CDH22: variants seen among roughly 807,000 people sequenced by gnomAD.
CDH22 encodes cadherin 22.
CDH22 carries 30 observed loss-of-function variants against 58.4 expected under a neutral mutation model. That is an observed-to-expected ratio of 0.51 (90% CI 0.38 to 0.70). The LOEUF (loss-of-function observed/expected upper bound fraction) is 0.70, where lower values mean the gene tolerates loss of function less well. Among genes scored for constraint, CDH22 ranks in the 30% least tolerant of loss-of-function variants. CDH22 has a pLI of 0.00. For missense variants in CDH22, 1,014 were observed against 1,233.9 expected (o/e 0.82, Z 2.67); for synonymous variants, 513 against 558.2 (o/e 0.92, Z 1.14).
At chr20:46,175,099 C>T (rs770807445) in intron 11 of CDH22, 22 bp from the exon 12 acceptor site, 2 of 1,564,168 alleles carry the variant, frequency 1.3e-6, no homozygotes, top group Admixed American at 1.8e-5. Flanking sequence ...ACAGAGGGGG[C>T]AACTGAGGGC....
intron 8 of CDH22, among the ~76,000 whole-genome samples, chr20:46,187,566 T>C (rs2085835449): frequency 6.6e-6 from 1 of 151,112 alleles, no homozygotes; most frequent in Non-Finnish European, 1.5e-5. Context: ...TCACCATCAC[T>C]ACCCTCACCA....
rs376084924 is a variant in CDH22 at position 46,185,126 on chromosome 20, C to T, written c.1663+1462G>A. Among the ~76,000 whole-genome samples the T allele has an allele frequency of 3.0e-4, 19 of 63,448 alleles. No individual in the cohort carries two copies. In the East Asian group the frequency reaches 3.3e-3, roughly 11 times the overall value. The allele number at this position is 63,448 out of a possible 152,430, so 41.6% of individuals were successfully genotyped here. A position where few individuals can be genotyped will look rare whatever the true frequency, so the allele number is the denominator to read the frequency against. On this transcript the variant is annotated intron_variant, in intron 10 of 11. Transcript: ENST00000537909. ...CAAAAAACAACAAAAAAACCCCACA[C>T]GCATACACACACACACACACACACA...
chr20:46,289,509 TTATC>T (rs1177389600), intron 1 of CDH22, among the ~76,000 whole-genome samples: 1 of 152,220 alleles, frequency 6.6e-6, no homozygotes, highest in Non-Finnish European at 1.5e-5. Flanking sequence ...CGCATAGTTT[TTATC>T]TATCTGTCTT....
At chr20:46,211,481 C>T (rs532057903) in intron 6 of CDH22, among the ~76,000 whole-genome samples, 6 of 152,314 alleles carry the variant, frequency 3.9e-5, no homozygotes, top group Admixed American at 2.0e-4. Context: ...GGTGGCCTGG[C>T]CTAGGAGTGA....
chr20:46,251,923 G>A lies in CDH22; in HGVS notation c.-399-230C>T, dbSNP rs538765586. Among the ~76,000 whole-genome samples the A allele has an allele frequency of 6.6e-6, 1 of 151,836 alleles. No individual in the cohort carries two copies. Among genetic ancestry groups the A allele is most frequent in the Non-Finnish European group, 1.5e-5 (1 of 67,970 alleles). On this transcript the variant is annotated intron_variant, in intron 1 of 11. Coordinates refer to ENST00000537909, the MANE Select transcript of CDH22 (RefSeq NM_021248.3). The surrounding 1 kb of genome is among the most constrained non-coding windows in gnomAD (Gnocchi z 6.7). ...CCTCTCCTTTCACCTGGCATCATACGCCCTGTACTCCCAATCTCCTACGCC... is the reference window on the plus strand; with the variant it reads ...CCTCTCCTTTCACCTGGCATCATACACCCTGTACTCCCAATCTCCTACGCC...
At chr20:46,279,085 G>T (rs1472512394) in intron 1 of CDH22, among the ~76,000 whole-genome samples, 1 of 152,154 alleles carries the variant, frequency 6.6e-6, no homozygotes, top group African/African-American at 2.4e-5. Flanking sequence ...TGTCTCTCTG[G>T]GTGGACCTCA....
intron 1 of CDH22, among the ~76,000 whole-genome samples, chr20:46,296,955 T>C (rs1307888637): frequency 6.6e-6 from 1 of 152,120 alleles, no homozygotes; most frequent in African/African-American, 2.4e-5. Context: ...GACTTACAAG[T>C]CCCTCTGTCC....
At chr20:46,186,470 T>G in intron 10 of CDH22, 118 bp downstream of exon 10, 1 of 747,748 alleles carries the variant, frequency 1.3e-6, no homozygotes, top group Non-Finnish European at 2.2e-6. Context: ...AGACTTTCCA[T>G]GTGATCTTAG....
intron 1 of CDH22, among the ~76,000 whole-genome samples, chr20:46,263,193 G>A (rs1438500204): frequency 2.0e-5 from 3 of 152,232 alleles, no homozygotes; most frequent in African/African-American, 7.2e-5. Flanking sequence ...GTGAATCCAT[G>A]AAGGGATATG....
chr20:46,223,671 T>TTC (rs1403029531), intron 4 of CDH22, among the ~76,000 whole-genome samples: 1 of 51,860 alleles, frequency 1.9e-5, no homozygotes, highest in African/African-American at 8.5e-5. Flanking sequence ...CTTTCCTTCT[T>TTC]TCTTTCTTTC....
At chr20:46,244,601 C>T (rs1568671538) in intron 2 of CDH22, among the ~76,000 whole-genome samples, 1 of 152,120 alleles carries the variant, frequency 6.6e-6, no homozygotes, top group Non-Finnish European at 1.5e-5. Flanking sequence ...CCCTATTTTC[C>T]AGGTGAAGAG....
At chr20:46,285,574 TA>T (rs1409351679) in intron 1 of CDH22, among the ~76,000 whole-genome samples, 1 of 152,168 alleles carries the variant, frequency 6.6e-6, no homozygotes, top group Non-Finnish European at 1.5e-5. Flanking sequence ...AAACCTAAGA[TA>T]TCAGTAGTGC....
chr20:46,264,316 C>A (rs1362817832), intron 1 of CDH22, among the ~76,000 whole-genome samples: 1 of 152,132 alleles, frequency 6.6e-6, no homozygotes, highest in Non-Finnish European at 1.5e-5. Flanking sequence ...CTTGGCAGAT[C>A]ACAGGCACAG....
At chr20:46,218,370 A>C (rs1416198434) in intron 4 of CDH22, among the ~76,000 whole-genome samples, 1 of 152,208 alleles carries the variant, frequency 6.6e-6, no homozygotes, top group East Asian at 1.9e-4. Context: ...TTGACATTCT[A>C]TGCATGAACC....
chr20:46,181,149 C>G (rs544902158), intron 10 of CDH22, among the ~76,000 whole-genome samples: 17 of 152,294 alleles, frequency 1.1e-4, no homozygotes, highest in African/African-American at 3.6e-4. Context: ...CAATAGAGAG[C>G]TACACCAGCT....
In CDH22 at chr20:46,175,022, C is replaced by T; in HGVS notation, c.1971G>A (p.Ser657=). 3.1e-6 allele frequency: 5 copies of T among 1,609,950 alleles called. No homozygotes were observed. The highest frequency in any genetic ancestry group is 4.2e-6 in the Non-Finnish European group (5 of 1,179,498). The change falls in exon 12 of 12, where the codon TCG becomes TCA. Residue 657 remains serine, a synonymous_variant. Coordinates refer to ENST00000537909, the MANE Select transcript of CDH22 (RefSeq NM_021248.3). Reference sequence around the variant, plus strand: ...TGTCCCGCATGTCTTCATCCTCGTCCGAGCTCAGGTGGCTCTTGTGGTGGC... The same window carrying T: ...TGTCCCGCATGTCTTCATCCTCGTCTGAGCTCAGGTGGCTCTTGTGGTGGC... The part of the protein sequence containing the change: ...LRRHHKSHLS[S]DEDEDMRDNV...
At position 46,174,940 on chromosome 20, in the gene CDH22, T is replaced by A. The variant is rs555357889; in HGVS notation, c.2053A>T (p.Met685Leu). The A allele has an allele frequency of 8.3e-5, 124 of 1,488,910 alleles. No homozygotes were observed. Among genetic ancestry groups the A allele is most frequent in the Middle Eastern group, 1.8e-4 (1 of 5,430 alleles). The allele number at this position is 1,488,910 out of a possible 1,614,324, so 92.2% of individuals were successfully genotyped here. The part of the protein sequence containing the change: ...GGEQDTEAYD[M>L]SALRSLYDFG... ...TCGTAGAGGCTCCGCAGCGCCGACATGTCGTAGGCTTCGGTGTCCTGCTCG... is the reference window on the plus strand; with the variant it reads ...TCGTAGAGGCTCCGCAGCGCCGACAAGTCGTAGGCTTCGGTGTCCTGCTCG... Residue 685 changes from methionine (M) to leucine (L), a missense_variant, in exon 12 of 12, where the codon ATG becomes TTG. Around this residue, in one of 2 missense-constraint regions of CDH22, gnomAD observed 806 missense variants for 1,038.7 expected, o/e 0.78. Transcript: ENST00000537909. This position sits in a 1 kb window ranked among gnomAD's most constrained non-coding sequence, Gnocchi z 4.4.
intron 1 of CDH22, among the ~76,000 whole-genome samples, chr20:46,303,081 G>A (rs917045938): frequency 5.3e-5 from 8 of 152,286 alleles, no homozygotes; most frequent in East Asian, 1.9e-4. Context: ...CGCTGCTCTC[G>A]GGATGAAGGC....
intron 7 of CDH22, among the ~76,000 whole-genome samples, chr20:46,199,908 CTTCT>C (rs1159290682): frequency 1.1e-3 from 162 of 151,062 alleles, no homozygotes; most frequent in South Asian, 7.8e-3. Context: ...CTTTTCTTTT[CTTCT>C]TTCTTTCTTT....
Sources: gnomAD v4.1 joint callset for allele counts (sites outside exome capture counted in the v4.1 genomes callset) on GRCh38, gnomAD v4.1.1 for gene constraint, gnomAD v4.1.1 regional missense constraint, Gnocchi (gnomAD v3.1) non-coding constraint, MANE v1.5 for transcripts, NCBI Gene and HGNC (gene_info 2026-07-23, HGNC 2026-07-21) for gene names.